Variants in EPC1 observed in about 807,000 individuals in gnomAD.
EPC1 encodes the protein enhancer of polycomb homolog 1.
Under a neutral mutation model 98.4 loss-of-function variants are expected in EPC1, and 12 were observed. The observed-to-expected ratio is 0.12, with a 90% CI of 0.08 to 0.20. EPC1 has a LOEUF of 0.20. EPC1 is among the 10% of genes least tolerant of loss of function. The pLI is 1.00. For missense variants in EPC1, 729 were observed against 990.5 expected (o/e 0.74, Z 3.54); for synonymous variants, 357 against 363.9 (o/e 0.98, Z 0.21).
rs765699538 is a variant in EPC1, at chr10:32,330,130, G to A, written c.153+16633C>T. On this transcript the variant is annotated intron_variant, in intron 1 of 13. Transcript: ENST00000319778. Reference sequence around the variant, plus strand: ...AACTCTTCATAGGTTTTTAGCAAGAGTGACACAATGAGATTTCCTTTTTCA... The same window carrying A: ...AACTCTTCATAGGTTTTTAGCAAGAATGACACAATGAGATTTCCTTTTTCA... 3.3e-5 allele frequency among the ~76,000 whole-genome samples: 5 copies of A among 152,188 alleles called. No homozygotes were observed. The East Asian group carries it at 9.6e-4, about 29-fold the overall frequency.
intron 1 of EPC1, among the ~76,000 whole-genome samples, chr10:32,364,059 G>T (rs1186320102): frequency 8.5e-6 from 1 of 117,290 alleles, no homozygotes; most frequent in African/African-American, 3.2e-5. Context: ...TTGTCACCCA[G>T]GCTGGAGTGC....
intron 6 of EPC1, among the ~76,000 whole-genome samples, chr10:32,288,959 T>C (rs1836846981): frequency 6.6e-6 from 1 of 151,856 alleles, no homozygotes; most frequent in South Asian, 2.1e-4. Context: ...CGTGGTGGCA[T>C]GCGCCTGTAG....
chr10:32,269,452 C>A, intron 13 of EPC1: 1 of 246,976 alleles, frequency 4.0e-6, no homozygotes, highest in Non-Finnish European at 7.9e-6. Context: ...TTAAACCTTT[C>A]AAAAGAGTTT....
At chr10:32,272,250 A>G in intron 11 of EPC1, 83 bp from the exon 12 acceptor site, 1 of 1,176,360 alleles carries the variant, frequency 8.5e-7, no homozygotes, top group South Asian at 1.9e-5. Context: ...TACCAAAATC[A>G]GTTTGAATAT....
Position 32,346,598 on chromosome 10 carries a change from G to A in EPC1, c.153+165C>T, listed in dbSNP as rs1270447914. On this transcript the variant is annotated intron_variant, in intron 1 of 13. Coordinates refer to ENST00000319778, the MANE Select transcript of EPC1 (RefSeq NM_001272004.3). ...GGGCCCCGCTGGGCCGCGGCGGCCG[G>A]GGGTCGAGGCTGGGGGAGGCGGGGT... 6 of 693,128 alleles carry A rather than the reference G, an allele frequency of 8.7e-6. No individual in the cohort carries two copies. In the East Asian group the frequency reaches 1.7e-4, roughly 20 times the overall value. The allele number at this position is 693,128 out of a possible 1,614,324, so 42.9% of individuals were successfully genotyped here. A position where few individuals can be genotyped will look rare whatever the true frequency, so the allele number is the denominator to read the frequency against.
chr10:32,301,764 A>G (rs912225713), intron 2 of EPC1, among the ~76,000 whole-genome samples: 2 of 152,214 alleles, frequency 1.3e-5, no homozygotes, highest in Non-Finnish European at 2.9e-5. Flanking sequence ...CTCTTGCTCT[A>G]TTCAAAAATT....
intron 1 of EPC1, among the ~76,000 whole-genome samples, chr10:32,339,282 C>T (rs2133019980): frequency 6.6e-6 from 1 of 152,328 alleles, no homozygotes; most frequent in South Asian, 2.1e-4. Context: ...AGGCCTACTG[C>T]ATCTTACAGT....
rs1835848922 is a variant in EPC1, at chr10:32,305,899, C to T, written c.186G>A (p.Gln62=). ...EHHLQRAISA[Q]QVYGEKRDNM... The stretch of plus-strand genomic sequence containing the variant: ...TATCCCTCTTCTCGCCATACACCTG[C>T]TGTGCTGAAATAGCCCGCTGAAGAT... Residue 62 remains glutamine (Q), a synonymous_variant, in exon 2 of 14, where the codon CAG becomes CAA. Transcript: ENST00000319778. 6.2e-7 allele frequency: 1 copy of T among 1,608,362 alleles called. No individual in the cohort carries two copies. The highest frequency in any genetic ancestry group is 1.3e-5 in the African/African-American group (1 of 74,590).
rs575358250 is a variant in EPC1 at position 32,346,668 on chromosome 10, G to A, written c.153+95C>T. 7 of 1,213,648 alleles carry A rather than the reference G, an allele frequency of 5.8e-6. 1 individual carries two copies. The South Asian group carries it at 9.3e-5, about 16-fold the overall frequency. 75.2% of individuals were successfully genotyped at this position (1,213,648 alleles called of 1,614,324 possible). A position where few individuals can be genotyped will look rare whatever the true frequency, so the allele number is the denominator to read the frequency against. On this transcript the variant is annotated intron_variant, in intron 1 of 13. Coordinates refer to ENST00000319778, the MANE Select transcript of EPC1 (RefSeq NM_001272004.3). ...GAGAGTCGGCGGCGAAGAGAAGATG[G>A]CGGCCATTTTGTGTGGGTTTGCTGC...
intron 6 of EPC1, among the ~76,000 whole-genome samples, chr10:32,287,643 G>A (rs1478735910): frequency 6.6e-6 from 1 of 152,020 alleles, no homozygotes; most frequent in South Asian, 2.1e-4. Context: ...AAAGGGGATT[G>A]TCTAATCCTT....
chr10:32,345,185 A>G (rs1838678786), intron 1 of EPC1: 1 of 984,510 alleles, frequency 1.0e-6, no homozygotes. Context: ...TGCTACTCTA[A>G]AGTTGATACA....
upstream of EPC1, among the ~76,000 whole-genome samples, chr10:32,352,146 G>A (rs971133406): frequency 4.0e-5 from 6 of 148,630 alleles, no homozygotes; most frequent in African/African-American, 1.2e-4. Context: ...CCAGGTTCAC[G>A]CCATTCTTCT....
chr10:32,355,308 AAAT>A (rs1839239397), intron 1 of EPC1, among the ~76,000 whole-genome samples: 1 of 152,218 alleles, frequency 6.6e-6, no homozygotes, highest in African/African-American at 2.4e-5. Context: ...TGAACTTGAA[AAAT>A]AATAATTTAC....
chr10:32,295,933 T>A (rs1353150879), intron 2 of EPC1, among the ~76,000 whole-genome samples: 1 of 151,834 alleles, frequency 6.6e-6, no homozygotes, highest in Non-Finnish European at 1.5e-5. Context: ...TCTTTTTTTT[T>A]TTTTTCCTGA....
Position 32,268,901 on chromosome 10 carries a change from TAAGAA to T in EPC1, c.*157_*161del. ...ATGTTGATTTTTTTCCTATTAACAGTAAGAAAAGAAAAATTGAAGCATGAGAGATG... is the reference window on the plus strand; with the variant it reads ...ATGTTGATTTTTTTCCTATTAACAGTAAGAAAAATTGAAGCATGAGAGATG... On this transcript the variant is annotated 3_prime_UTR_variant, in exon 14 of 14. Coordinates refer to ENST00000319778, the MANE Select transcript of EPC1 (RefSeq NM_001272004.3). 3.3e-6 allele frequency: 2 copies of T among 599,666 alleles called. No homozygotes were observed. The highest frequency in any genetic ancestry group is 2.7e-4 in the Middle Eastern group (1 of 3,718). 37.1% of individuals were successfully genotyped at this position (599,666 alleles called of 1,614,324 possible).
chr10:32,325,092 T>C (rs2132934113), intron 1 of EPC1, among the ~76,000 whole-genome samples: 1 of 152,326 alleles, frequency 6.6e-6, no homozygotes, highest in African/African-American at 2.4e-5. Flanking sequence ...AGTGTCAACC[T>C]ATGAACATAA....
intron 1 of EPC1, among the ~76,000 whole-genome samples, chr10:32,310,920 A>G (rs1291437467): frequency 2.6e-5 from 4 of 152,138 alleles, no homozygotes; most frequent in African/African-American, 9.7e-5. Context: ...TTAACAGTCA[A>G]GAAAACAATC....
At chr10:32,293,760 A>T (rs200001910) in intron 2 of EPC1, 23 bp from the exon 3 acceptor site, 84 of 1,599,446 alleles carry the variant, frequency 5.3e-5, no homozygotes, top group Non-Finnish European at 6.9e-5. Context: ...ACCATATGCA[A>T]TCATTTACTG....
intron 1 of EPC1, among the ~76,000 whole-genome samples, chr10:32,306,689 A>G (rs1835893152): frequency 6.6e-6 from 1 of 152,202 alleles, no homozygotes; most frequent in African/African-American, 2.4e-5. Context: ...TGTGAATAAA[A>G]TGTTTAGTAT....
Sources: gnomAD v4.1 joint callset for allele counts (sites outside exome capture counted in the v4.1 genomes callset) on GRCh38, gnomAD v4.1.1 for gene constraint, MANE v1.5 for transcripts, NCBI Gene and HGNC (gene_info 2026-07-23, HGNC 2026-07-21) for gene names.